The following GRID2 variants were observed in gnomAD, a reference collection of about 807,000 sequenced individuals.
GRID2 encodes the protein glutamate ionotropic receptor delta type subunit 2.
Under a neutral mutation model 114.8 loss-of-function variants are expected in GRID2, and 33 were observed. That is an observed-to-expected ratio of 0.29 (90% confidence interval 0.22 to 0.38). GRID2 has a LOEUF of 0.38. Among genes scored for constraint, GRID2 ranks in the 10% least tolerant of loss-of-function variants. The probability of loss-of-function intolerance (pLI) is 1.00; values close to 1 mark genes in which losing one functional copy is unlikely to be tolerated. For synonymous variants in GRID2, 505 were observed against 449.9 expected (o/e 1.12, Z -1.55); for missense variants, 1,184 against 1,257.7 (o/e 0.94, Z 0.89).
chr4:92,496,557 G>A (rs1579466982), intron 1 of GRID2, among the ~76,000 whole-genome samples: 1 of 151,516 alleles, frequency 6.6e-6, no homozygotes, highest in East Asian at 1.9e-4. Flanking sequence ...GTTTATTTAT[G>A]GTATTCTTTC....
intron 2 of GRID2, among the ~76,000 whole-genome samples, chr4:92,676,432 A>G (rs907703916): frequency 6.6e-6 from 1 of 151,904 alleles, no homozygotes; most frequent in Admixed American, 6.6e-5. Flanking sequence ...TGCCTGCCTC[A>G]GCCTCCCAAA....
rs558451256 is a variant in GRID2 at position 92,318,739 on chromosome 4, G to T, written c.88+13995G>T. On this transcript the variant is annotated intron_variant, in intron 1 of 15. Coordinates refer to ENST00000282020, the MANE Select transcript of GRID2 (RefSeq NM_001510.4). ...TCTGCCCACCTCAGCCTCCCAAAGT[G>T]CTGGGATTACAAGCGTGAGCACCAT... Among the ~76,000 whole-genome samples the T allele has an allele frequency of 3.3e-5, 5 of 152,030 alleles. No individual in the cohort carries two copies. The South Asian group carries it at 6.2e-4, about 19-fold the overall frequency.
chr4:92,941,547 G>T (rs1488223355), intron 2 of GRID2, among the ~76,000 whole-genome samples: 3 of 152,016 alleles, frequency 2.0e-5, no homozygotes, highest in African/African-American at 7.2e-5. Context: ...TTTTTGAAGG[G>T]TTATTTGTGT....
At chr4:93,621,869 G>A (rs1008834957) in intron 13 of GRID2, among the ~76,000 whole-genome samples, 3 of 152,112 alleles carry the variant, frequency 2.0e-5, no homozygotes, top group African/African-American at 7.2e-5. Context: ...TGGAACATTA[G>A]TATTGCAAGA....
intron 4 of GRID2, among the ~76,000 whole-genome samples, chr4:93,177,115 G>C (rs912457351): frequency 1.3e-5 from 2 of 152,170 alleles, no homozygotes; most frequent in Non-Finnish European, 1.5e-5. Flanking sequence ...TAGTGTGCAA[G>C]ATGAGTTATC....
At chr4:92,854,816 A>G (rs1425510381) in intron 2 of GRID2, among the ~76,000 whole-genome samples, 6 of 151,996 alleles carry the variant, frequency 3.9e-5, no homozygotes, top group Non-Finnish European at 7.4e-5. Context: ...AATTTTTTAA[A>G]TGAAGATTGA....
chr4:92,775,407 G>T (rs764164114), intron 2 of GRID2, among the ~76,000 whole-genome samples: 33 of 152,144 alleles, frequency 2.2e-4, no homozygotes, highest in Non-Finnish European at 4.3e-4. Context: ...CAAGTAACTT[G>T]AGTCTCAGAT....
chr4:93,148,913 T>C (rs1486946727), intron 4 of GRID2, among the ~76,000 whole-genome samples: 4 of 152,234 alleles, frequency 2.6e-5, no homozygotes, highest in Non-Finnish European at 5.9e-5. Flanking sequence ...GCATTGCTAG[T>C]ACAAATCGAT....
At chr4:93,583,141 C>T (rs1465485648) in intron 13 of GRID2, among the ~76,000 whole-genome samples, 1 of 152,158 alleles carries the variant, frequency 6.6e-6, no homozygotes, top group Admixed American at 6.5e-5. Flanking sequence ...CACAAATATA[C>T]TTTCATTAAA....
At chr4:92,885,732 T>C (rs1003698384) in intron 2 of GRID2, among the ~76,000 whole-genome samples, 17 of 152,338 alleles carry the variant, frequency 1.1e-4, no homozygotes, top group South Asian at 1.0e-3. Context: ...AGTTGTCTTC[T>C]TCACCACTTT....
intron 8 of GRID2, among the ~76,000 whole-genome samples, chr4:93,337,836 C>A (rs986378294): frequency 3.3e-5 from 5 of 152,106 alleles, no homozygotes; most frequent in African/African-American, 1.2e-4. Flanking sequence ...AAAACTAAAG[C>A]TTTCCATTCA....
chr4:92,931,851 C>G (rs927633772), intron 2 of GRID2, among the ~76,000 whole-genome samples: 1 of 150,902 alleles, frequency 6.6e-6, no homozygotes, highest in Non-Finnish European at 1.5e-5. Context: ...GACAAAAACA[C>G]TCAGGCAACT....
chr4:93,769,560 T>C (rs955622672), intron 15 of GRID2, 110 bp downstream of exon 15: 1 of 947,482 alleles, frequency 1.1e-6, no homozygotes, highest in African/African-American at 1.6e-5. Flanking sequence ...TGTTTTTTCG[T>C]TTCTTGAAGA....
intron 2 of GRID2, among the ~76,000 whole-genome samples, chr4:92,988,583 G>A (rs1442399961): frequency 5.3e-5 from 8 of 151,938 alleles, no homozygotes; most frequent in Non-Finnish European, 1.0e-4. Flanking sequence ...AGATCATTGG[G>A]GACAATCCTA....
chr4:93,076,670 T>G (rs908846524), intron 2 of GRID2, among the ~76,000 whole-genome samples: 2 of 140,902 alleles, frequency 1.4e-5, no homozygotes, highest in Non-Finnish European at 3.0e-5. Flanking sequence ...CAGGCTGGAG[T>G]GCAATGGCGC....
intron 1 of GRID2, among the ~76,000 whole-genome samples, chr4:92,481,985 T>C (rs1041734331): frequency 1.6e-4 from 3 of 18,970 alleles, no homozygotes; most frequent in East Asian, 1.3e-3. Flanking sequence ...AAATGTGATA[T>C]ATATATATAT....
chr4:92,815,134 C>T (rs1187267813), intron 2 of GRID2, among the ~76,000 whole-genome samples: 1 of 151,962 alleles, frequency 6.6e-6, no homozygotes, highest in Non-Finnish European at 1.5e-5. Context: ...TCCTTTTGTG[C>T]CCAGGATTTT....
intron 8 of GRID2, among the ~76,000 whole-genome samples, chr4:93,286,276 C>A (rs762294617): frequency 1.6e-4 from 25 of 151,882 alleles, no homozygotes; most frequent in Non-Finnish European, 3.1e-4. Context: ...ATAAATGAAC[C>A]AATTGTAGCC....
At chr4:93,721,622 G>C (rs1729379963) in intron 14 of GRID2, among the ~76,000 whole-genome samples, 2 of 152,080 alleles carry the variant, frequency 1.3e-5, no homozygotes, top group Non-Finnish European at 2.9e-5. Flanking sequence ...TCTGTGATTG[G>C]TGTGAGTATT....
Sources: allele counts gnomAD v4.1 joint callset (sites outside exome capture counted in the v4.1 genomes callset), GRCh38; gene constraint gnomAD v4.1.1; transcripts MANE v1.5; gene names NCBI Gene and HGNC (gene_info 2026-07-23, HGNC 2026-07-21).